Variants in APP observed in about 807,000 individuals in gnomAD.
APP encodes amyloid-beta precursor protein.
A neutral mutation model predicts 101.4 loss-of-function variants in APP; 31 were observed. The observed-to-expected ratio is 0.31, with a 90% CI of 0.23 to 0.41. The LOEUF is 0.41. Ranked by LOEUF, APP falls within the 10% of genes least tolerant of loss-of-function variation. The probability of loss-of-function intolerance (pLI) is 1.00; values close to 1 mark genes in which losing one functional copy is unlikely to be tolerated. For synonymous variants in APP, 366 were observed against 364.4 expected, an observed-to-expected ratio of 1.00 and a Z score of -0.05; for missense variants, 839 against 1,003.7, an observed-to-expected ratio of 0.84 and a Z score of 2.22.
intron 2 of APP, among the ~76,000 whole-genome samples, chr21:26,102,690 A>G (rs1467092120): frequency 1.3e-5 from 2 of 151,910 alleles, no homozygotes; most frequent in African/African-American, 4.8e-5. Flanking sequence ...CAGGAGTTCG[A>G]GACCAGCCTG....
chr21:26,039,790 CTTAA>C (rs1322950851), intron 5 of APP, among the ~76,000 whole-genome samples: 1 of 151,928 alleles, frequency 6.6e-6, no homozygotes, highest in Non-Finnish European at 1.5e-5. Context: ...GAAGGAAGCA[CTTAA>C]TTTTTTTAAT....
chr21:26,151,749 G>A (rs1164324373), intron 1 of APP, among the ~76,000 whole-genome samples: 1 of 152,134 alleles, frequency 6.6e-6, no homozygotes, highest in Non-Finnish European at 1.5e-5. Context: ...GATGTGACAA[G>A]AGGCAGGGCT....
intron 5 of APP, among the ~76,000 whole-genome samples, chr21:26,044,443 C>T (rs372334558): frequency 6.6e-6 from 1 of 152,346 alleles, no homozygotes; most frequent in East Asian, 1.9e-4. Flanking sequence ...TGAAATTGAT[C>T]ACGTAAGTAA....
chr21:26,007,948 G>A (rs771549379), intron 6 of APP, among the ~76,000 whole-genome samples: 4 of 152,180 alleles, frequency 2.6e-5, no homozygotes, highest in Non-Finnish European at 5.9e-5. Context: ...AGGCAAGCAA[G>A]CTTGAACTGA....
chr21:26,069,216 C>T (rs1269559830), intron 3 of APP, among the ~76,000 whole-genome samples: 1 of 152,148 alleles, frequency 6.6e-6, no homozygotes, highest in Non-Finnish European at 1.5e-5. Flanking sequence ...ATACTTATCG[C>T]TCATGAATGT....
At chr21:25,971,254 G>C (rs1379241662) in intron 11 of APP, among the ~76,000 whole-genome samples, 1 of 152,016 alleles carries the variant, frequency 6.6e-6, no homozygotes, top group Admixed American at 6.5e-5. Flanking sequence ...CACCATGTTG[G>C]CCAGGATGGT....
intron 1 of APP, among the ~76,000 whole-genome samples, chr21:26,129,926 A>G (rs1283113893): frequency 6.6e-6 from 1 of 152,272 alleles, no homozygotes; most frequent in Non-Finnish European, 1.5e-5. Flanking sequence ...GAAAATCTTT[A>G]CAAAATAGTA....
intron 13 of APP, among the ~76,000 whole-genome samples, chr21:25,918,452 C>T (rs2039461965): frequency 6.6e-6 from 1 of 152,264 alleles, no homozygotes; most frequent in Non-Finnish European, 1.5e-5. Context: ...GTGATTTCCG[C>T]ATTTCCATCT....
chr21:26,132,479 A>G (rs1485250007), intron 1 of APP, among the ~76,000 whole-genome samples: 1 of 151,664 alleles, frequency 6.6e-6, no homozygotes, highest in East Asian at 1.9e-4. Flanking sequence ...AAGATGTAAA[A>G]TAGGCACTCT....
chr21:26,002,452 T>C (rs2043340939), intron 6 of APP, among the ~76,000 whole-genome samples: 1 of 18,710 alleles, frequency 5.3e-5, no homozygotes, highest in South Asian at 1.5e-3. Flanking sequence ...GTAACAAACA[T>C]CTACAGCTTC....
At chr21:26,154,355 G>C (rs2063333395) in intron 1 of APP, among the ~76,000 whole-genome samples, 1 of 152,038 alleles carries the variant, frequency 6.6e-6, no homozygotes, top group African/African-American at 2.4e-5. Flanking sequence ...GACATTTCAG[G>C]GTTCAGAATC....
At chr21:25,958,480 T>C (rs1409748091) in intron 11 of APP, among the ~76,000 whole-genome samples, 2 of 152,184 alleles carry the variant, frequency 1.3e-5, no homozygotes, top group Non-Finnish European at 2.9e-5. Context: ...GGTTTCGCCA[T>C]GTTAGCCAGG....
chr21:26,112,267 C>A, intron 1 of APP, 121 bp from the exon 2 acceptor site: 2 of 1,068,538 alleles, frequency 1.9e-6, no homozygotes, highest in South Asian at 1.3e-5. Flanking sequence ...TAGGAATCAG[C>A]CCGGTCTTCA....
At chr21:26,032,009 T>G (rs1435782414) in intron 5 of APP, among the ~76,000 whole-genome samples, 1 of 152,232 alleles carries the variant, frequency 6.6e-6, no homozygotes. Flanking sequence ...CTCCCTTGCC[T>G]CTGTGCTCTG....
At chr21:26,049,371 C>A (rs1398077615) in intron 5 of APP, among the ~76,000 whole-genome samples, 1 of 152,064 alleles carries the variant, frequency 6.6e-6, no homozygotes, top group Admixed American at 6.6e-5. Flanking sequence ...ATGTCAGGTA[C>A]CATGTTGCAG....
chr21:26,101,558 C>T (rs2154481), intron 2 of APP, among the ~76,000 whole-genome samples: 58,681 of 152,086 alleles, frequency 0.39, 13,854 homozygotes, highest in Non-Finnish European at 0.53. Context: ...GAACAGGCAG[C>T]CTTCCTGGAC....
In APP at chr21:26,021,235, A is replaced by AT. The variant is rs1211537542; in HGVS notation, c.865+604dup. Among the ~76,000 whole-genome samples, 7 of 151,992 alleles carry AT rather than the reference A, an allele frequency of 4.6e-5. No individual in the cohort carries two copies. In the South Asian group the frequency reaches 8.3e-4, roughly 18 times the overall value. On this transcript the variant is annotated intron_variant, in intron 6 of 17. Transcript: ENST00000346798. ...GCTCATTTTTGTATTTTTAGTAGAGATGGGTTTTCACCATGTTGGCCAGAC... is the reference window on the plus strand; with the variant it reads ...GCTCATTTTTGTATTTTTAGTAGAGATTGGGTTTTCACCATGTTGGCCAGAC...
At chr21:26,123,786 G>C (rs577485959) in intron 1 of APP, among the ~76,000 whole-genome samples, 50 of 152,258 alleles carry the variant, frequency 3.3e-4, no homozygotes, top group African/African-American at 1.2e-3. Context: ...ACTCTTGGAT[G>C]TAATGTTACT....
chr21:25,988,046 A>T (rs891896053), intron 8 of APP, among the ~76,000 whole-genome samples: 1 of 152,170 alleles, frequency 6.6e-6, no homozygotes, highest in African/African-American at 2.4e-5. Context: ...GAGAGGGGAA[A>T]GGTAGACCGC....
Sources: gnomAD v4.1 joint callset for allele counts (sites outside exome capture counted in the v4.1 genomes callset) on GRCh38, gnomAD v4.1.1 for gene constraint, MANE v1.5 for transcripts, NCBI Gene and HGNC (gene_info 2026-07-23, HGNC 2026-07-21) for gene names.